The following ELAVL2 variants were observed in gnomAD, a reference collection of about 807,000 sequenced individuals.
ELAVL2 encodes ELAV-like protein 2.
ELAVL2 carries 4 observed loss-of-function variants against 34.6 expected under a neutral mutation model. The observed-to-expected ratio is 0.12, with a 90% CI of 0.06 to 0.26. The LOEUF is 0.26. ELAVL2 is among the 10% of genes least tolerant of loss of function. The pLI is 1.00. For missense variants in ELAVL2, 432 were observed against 442.8 expected (o/e 0.98, Z 0.22); for synonymous variants, 193 against 154.8 (o/e 1.25, Z -1.83).
At chr9:23,694,831 C>G (rs1029406927) in intron 5 of ELAVL2, among the ~76,000 whole-genome samples, 1 of 152,108 alleles carries the variant, frequency 6.6e-6, no homozygotes, top group African/African-American at 2.4e-5. Flanking sequence ...ATCACAATGA[C>G]AAAAGATCTT....
chr9:23,819,562 AAAG>A (rs926968699), intron 1 of ELAVL2, among the ~76,000 whole-genome samples: 39 of 152,068 alleles, frequency 2.6e-4, no homozygotes, highest in African/African-American at 8.9e-4. Context: ...ATTGTTCCTG[AAAG>A]AAGACACTAC....
At chr9:23,849,452 A>C in the ELAVL2 span, 1 of 152,262 alleles carries the variant, frequency 6.6e-6, no homozygotes, top group Non-Finnish European at 1.5e-5. Flanking sequence ...GTCTAACTGC[A>C]GGAGAGGACA....
chr9:23,813,996 G>A (rs1383169039), intron 1 of ELAVL2, among the ~76,000 whole-genome samples: 3 of 152,144 alleles, frequency 2.0e-5, no homozygotes, highest in South Asian at 2.1e-4. Context: ...AGGCGCAGTC[G>A]ATAAATGTGG....
chr9:23,716,396 G>A (rs192262590), intron 3 of ELAVL2, among the ~76,000 whole-genome samples: 128 of 151,918 alleles, frequency 8.4e-4, no homozygotes, highest in African/African-American at 2.2e-3. Flanking sequence ...TCCTTCATCC[G>A]ACCACATCTT....
the ELAVL2 span, among the ~76,000 whole-genome samples, chr9:23,837,692 A>AG: frequency 6.6e-6 from 1 of 152,158 alleles, no homozygotes; most frequent in South Asian, 2.1e-4. Flanking sequence ...CAATTTTGTA[A>AG]TTTTAAAGAA....
intron 1 of ELAVL2, among the ~76,000 whole-genome samples, chr9:23,816,021 T>A (rs940768699): frequency 6.6e-6 from 1 of 152,104 alleles, no homozygotes; most frequent in Non-Finnish European, 1.5e-5. Context: ...ACAACTCTAA[T>A]TGCCAAAGTC....
chr9:23,712,157 G>T (rs2133716507), intron 3 of ELAVL2, among the ~76,000 whole-genome samples: 1 of 152,192 alleles, frequency 6.6e-6, no homozygotes, highest in South Asian at 2.1e-4. Context: ...TTTGTATCTG[G>T]GAAATAGGAA....
chr9:23,846,114 A>C, the ELAVL2 span, among the ~76,000 whole-genome samples: 1 of 151,930 alleles, frequency 6.6e-6, no homozygotes, highest in Non-Finnish European at 1.5e-5. Flanking sequence ...AAAGATCAAA[A>C]TTAGAGCATT....
intron 2 of ELAVL2, among the ~76,000 whole-genome samples, chr9:23,732,463 T>G (rs780456157): frequency 6.6e-6 from 1 of 152,206 alleles, no homozygotes; most frequent in African/African-American, 2.4e-5. Context: ...AAAAACTAAT[T>G]AGGTTAATTT....
chr9:23,752,530 C>A (rs543583686), intron 2 of ELAVL2, among the ~76,000 whole-genome samples: 9 of 151,752 alleles, frequency 5.9e-5, no homozygotes, highest in African/African-American at 2.2e-4. Context: ...CAGTGGCTCA[C>A]TGCAACCTCC....
intron 1 of ELAVL2, among the ~76,000 whole-genome samples, chr9:23,798,242 C>A (rs931135837): frequency 6.6e-6 from 1 of 152,118 alleles, no homozygotes; most frequent in East Asian, 1.9e-4. Context: ...GCAAAAAGGT[C>A]GCAACAGCAA....
chr9:23,799,504 T>A (rs1356930586), intron 1 of ELAVL2, among the ~76,000 whole-genome samples: 1 of 152,182 alleles, frequency 6.6e-6, no homozygotes, highest in Non-Finnish European at 1.5e-5. Context: ...AAAAGCAGAG[T>A]TTTGAGGGCC....
the ELAVL2 span, among the ~76,000 whole-genome samples, chr9:23,847,670 G>T: frequency 6.6e-6 from 1 of 152,112 alleles, no homozygotes; most frequent in East Asian, 1.9e-4. Flanking sequence ...AAAAAAATTG[G>T]TAAGTGTACT....
At chr9:23,818,013 G>A (rs776831057) in intron 1 of ELAVL2, among the ~76,000 whole-genome samples, 1 of 151,984 alleles carries the variant, frequency 6.6e-6, no homozygotes, top group Non-Finnish European at 1.5e-5. Flanking sequence ...CTAGTATCTC[G>A]AACCAAATAA....
chr9:23,821,384 AAT>A (rs899892878), intron 1 of ELAVL2: 23 of 151,708 alleles, frequency 1.5e-4, no homozygotes, highest in African/African-American at 5.6e-4. Flanking sequence ...CGAGGCGCCC[AAT>A]TCTCTCTACT....
chr9:23,850,118 G>A, the ELAVL2 span, among the ~76,000 whole-genome samples: 1 of 151,332 alleles, frequency 6.6e-6, no homozygotes, highest in South Asian at 2.1e-4. Context: ...AGGGGGTGGG[G>A]GTGGAAAAAG....
chr9:23,831,357 C>T, the ELAVL2 span: 1 of 152,446 alleles, frequency 6.6e-6, no homozygotes, highest in African/African-American at 2.4e-5. Flanking sequence ...CCCTCCCCGT[C>T]TTCCTTCCTC....
chr9:23,749,907 A>C (rs2051466642), intron 2 of ELAVL2, among the ~76,000 whole-genome samples: 1 of 151,938 alleles, frequency 6.6e-6, no homozygotes, highest in Non-Finnish European at 1.5e-5. Flanking sequence ...GTGCCTACTA[A>C]CAACTACGCA....
chr9:23,803,346 T>C (rs553135556), intron 1 of ELAVL2, among the ~76,000 whole-genome samples: 2 of 152,360 alleles, frequency 1.3e-5, no homozygotes, highest in East Asian at 3.9e-4. Context: ...ACATGTTTCA[T>C]GTTGCATACT....
Sources: allele counts gnomAD v4.1 joint callset (sites outside exome capture counted in the v4.1 genomes callset), GRCh38; gene constraint gnomAD v4.1.1; transcripts MANE v1.5; gene names NCBI Gene and HGNC (gene_info 2026-07-23, HGNC 2026-07-21).